TG: variants seen among roughly 807,000 people sequenced by gnomAD.
TG encodes thyroid hormones.
TG carries 270 observed loss-of-function variants against 324.7 expected under a neutral mutation model. That is an observed-to-expected ratio of 0.83 (90% CI 0.75 to 0.92). The LOEUF (loss-of-function observed/expected upper bound fraction) is 0.92. Among genes scored for constraint, TG ranks in the 40% least tolerant of loss-of-function variants. The pLI, the probability that TG is intolerant of heterozygous loss-of-function variation, is 0.00. For missense variants in TG, 3,591 were observed against 3,456.4 expected (o/e 1.04, Z -0.98); for synonymous variants, 1,401 against 1,327.0 (o/e 1.06, Z -1.21).
In TG at chr8:132,923,389, G is replaced by T; in HGVS notation, c.4580G>T (p.Gly1527Val). The T allele has an allele frequency of 6.2e-7, 1 of 1,614,100 alleles. No individual in the cohort carries two copies. The highest frequency in any genetic ancestry group is 8.5e-7 in the Non-Finnish European group (1 of 1,180,024). Residue 1527 changes from glycine to valine, a missense_variant, in exon 22 of 48, where the codon GGC becomes GTC. Gly to Val is a moderately radical substitution (Grantham distance 109, BLOSUM62 -3). Transcript: ENST00000220616. ...GCAGGCCTGCAATGTGACCAGAATGGCCAGTATCGAGCCAGCCAGAAGGAC... is the reference window on the plus strand; with the variant it reads ...GCAGGCCTGCAATGTGACCAGAATGTCCAGTATCGAGCCAGCCAGAAGGAC... ...NEAGLQCDQN[G>V]QYRASQKDRG... is the part of the protein sequence containing the mutation.
At chr8:133,060,636 G>T (rs567508469) in intron 41 of TG, among the ~76,000 whole-genome samples, 52 of 152,302 alleles carry the variant, frequency 3.4e-4, no homozygotes, top group African/African-American at 1.3e-3. Context: ...TGAGGAGAAG[G>T]TACTTTCTGC....
At chr8:132,961,114 T>C (rs1564006877) in intron 28 of TG, 41 bp downstream of exon 28, 1 of 1,593,206 alleles carries the variant, frequency 6.3e-7, no homozygotes, top group Non-Finnish European at 8.6e-7. Flanking sequence ...AGGACGCTGA[T>C]TACATGAGAT....
intron 34 of TG, among the ~76,000 whole-genome samples, chr8:132,982,275 C>T (rs10101897): frequency 0.17 from 25,635 of 152,188 alleles, 2,666 homozygotes; most frequent in Middle Eastern, 0.32. Flanking sequence ...GCTGCTGACC[C>T]GGGAGCCCCT....
intron 32 of TG, among the ~76,000 whole-genome samples, chr8:132,970,936 G>T (rs1829419069): frequency 6.6e-6 from 1 of 152,148 alleles, no homozygotes; most frequent in South Asian, 2.1e-4. Flanking sequence ...TGGAGATGCT[G>T]CCCAGCAGGT....
intron 8 of TG, 53 bp downstream of exon 8, chr8:132,883,052 C>A: frequency 6.3e-7 from 1 of 1,583,290 alleles, no homozygotes; most frequent in Middle Eastern, 2.1e-4. Context: ...ATTACTTTGG[C>A]GGTCCTCCAG....
chr8:132,963,704 T>TA (rs1247103959), intron 29 of TG, among the ~76,000 whole-genome samples: 103 of 55,902 alleles, frequency 1.8e-3, no homozygotes, highest in Non-Finnish European at 2.8e-3. Flanking sequence ...TGTGTGTGTA[T>TA]TTGCATGCAT....
At chr8:133,035,286 T>A (rs1836995333) in intron 41 of TG, among the ~76,000 whole-genome samples, 6 of 152,190 alleles carry the variant, frequency 3.9e-5, no homozygotes, top group Admixed American at 3.9e-4. Context: ...TAAGGATTTG[T>A]TTTTTAGACT....
intron 41 of TG, chr8:133,040,083 G>T: frequency 6.4e-7 from 1 of 1,564,046 alleles, no homozygotes. Context: ...GCCGTGCTTT[G>T]TGTCAGGCAG....
rs527596737 is a variant in TG at position 133,123,115 on chromosome 8, G to A, written c.7862+6399G>A. ...CACAAATGCCTCCAGACATTGTCAC[G>A]TGTTCCCTGGGGACACAATCCTTGC... On this transcript the variant is annotated intron_variant, in intron 45 of 47. Transcript: ENST00000220616. Among the ~76,000 whole-genome samples the A allele has an allele frequency of 1.1e-4, 16 of 152,170 alleles. No homozygotes were observed. The South Asian group carries it at 2.5e-3, about 24-fold the overall frequency.
chr8:132,898,744 T>C (rs1398939870), intron 13 of TG, 54 bp from the exon 14 acceptor site: 6 of 1,541,872 alleles, frequency 3.9e-6, no homozygotes, highest in Non-Finnish European at 5.4e-6. Flanking sequence ...TGGGATCCCC[T>C]CTTTCTCTTG....
intron 20 of TG, among the ~76,000 whole-genome samples, chr8:132,918,696 C>A (rs1348100738): frequency 6.6e-6 from 1 of 152,196 alleles, no homozygotes; most frequent in Non-Finnish European, 1.5e-5. Flanking sequence ...ACCTCTGACA[C>A]CTCACTGCTT....
chr8:133,096,134 T>C, intron 42 of TG, 72 bp from the exon 43 acceptor site: 1 of 1,579,858 alleles, frequency 6.3e-7, no homozygotes, highest in Non-Finnish European at 8.7e-7. Flanking sequence ...TTCAGTATGG[T>C]TAAGACCTCT....
intron 41 of TG, chr8:133,059,980 A>G: frequency 3.0e-6 from 3 of 984,248 alleles, no homozygotes; most frequent in South Asian, 1.9e-5. Flanking sequence ...GACAGATATA[A>G]TGAGCCCTTC....
At chr8:132,890,591 A>G (rs1816090756) in intron 10 of TG, among the ~76,000 whole-genome samples, 1 of 152,206 alleles carries the variant, frequency 6.6e-6, no homozygotes, top group South Asian at 2.1e-4. Context: ...GTCTTGTACC[A>G]TGGTTCTACC....
intron 35 of TG, among the ~76,000 whole-genome samples, chr8:132,994,164 C>T (rs1218418879): frequency 6.6e-6 from 1 of 152,158 alleles, no homozygotes; most frequent in Admixed American, 6.5e-5. Context: ...TTCCTTCTCA[C>T]CCCTGAACAG....
At chr8:133,068,018 G>C (rs1843364405) in intron 41 of TG, among the ~76,000 whole-genome samples, 1 of 152,164 alleles carries the variant, frequency 6.6e-6, no homozygotes. Context: ...GGGAGTAGCT[G>C]CCTGGGGCTG....
chr8:132,950,523 G>GC (rs1825956944), intron 27 of TG, among the ~76,000 whole-genome samples: 1 of 152,164 alleles, frequency 6.6e-6, no homozygotes, highest in Non-Finnish European at 1.5e-5. Context: ...TCCTCCAAGA[G>GC]CCCTCCCTGA....
intron 41 of TG, among the ~76,000 whole-genome samples, chr8:133,083,017 G>A (rs1009123174): frequency 9.2e-5 from 14 of 152,334 alleles, no homozygotes; most frequent in African/African-American, 2.4e-4. Context: ...ACTTAGTGGC[G>A]TGGGGCAGAC....
At chr8:132,931,678 T>C (rs1453471955) in intron 23 of TG, among the ~76,000 whole-genome samples, 1 of 152,134 alleles carries the variant, frequency 6.6e-6, no homozygotes, top group Non-Finnish European at 1.5e-5. Flanking sequence ...AGAACTTTAA[T>C]TGTTTTCTTG....
Sources: allele counts gnomAD v4.1 joint callset (sites outside exome capture counted in the v4.1 genomes callset), GRCh38; gene constraint gnomAD v4.1.1; transcripts MANE v1.5; gene names NCBI Gene and HGNC (gene_info 2026-07-23, HGNC 2026-07-21).